Variants in NUDCD3 observed in about 807,000 individuals in gnomAD.
NUDCD3 encodes nudC domain-containing protein 3.
A neutral mutation model predicts 39.7 loss-of-function variants in NUDCD3; 13 were observed. That is an observed-to-expected ratio of 0.33 (90% CI 0.21 to 0.52). The LOEUF is 0.52. Ranked by LOEUF, NUDCD3 falls within the 20% of genes least tolerant of loss-of-function variation. The probability of loss-of-function intolerance (pLI) is 0.96; values close to 1 mark genes in which losing one functional copy is unlikely to be tolerated. For missense variants in NUDCD3, 453 were observed against 458.1 expected (o/e 0.99, Z 0.10); for synonymous variants, 175 against 172.4 (o/e 1.02, Z -0.12).
chr7:44,445,804 G>A (rs1476755788), intron 2 of NUDCD3, among the ~76,000 whole-genome samples: 1 of 152,192 alleles, frequency 6.6e-6, no homozygotes, highest in African/African-American at 2.4e-5. Context: ...AGGCAAAGAG[G>A]TTTTACGTGT....
In NUDCD3 at chr7:44,385,705, G is replaced by A; in HGVS notation, c.*306C>T. ...GCAGGGGAGGAAAGACATGCTGCCT[G>A]CAGTGGCTGGTTGCTGTGGAGACAA... is the stretch of plus-strand genomic sequence containing the variant. On this transcript the variant is annotated 3_prime_UTR_variant, in exon 6 of 6. Coordinates refer to ENST00000355451, the MANE Select transcript of NUDCD3 (RefSeq NM_015332.4). 2.6e-6 allele frequency: 1 copy of A among 384,564 alleles called. No individual in the cohort carries two copies. Among genetic ancestry groups the A allele is most frequent in the Non-Finnish European group, 4.7e-6 (1 of 212,088 alleles). The allele number at this position is 384,564 out of a possible 1,614,324, so 23.8% of individuals were successfully genotyped here. A position where few individuals can be genotyped will look rare whatever the true frequency, so the allele number is the denominator to read the frequency against.
rs763242563 is a variant in NUDCD3 at position 44,382,084 on chromosome 7, T to C, written c.*3927A>G. ...TGGTGTGGAGGAATGGGTGGTGGGA[T>C]TGAAAACCCCTACCAGACCCCTGTC... On this transcript the variant is annotated 3_prime_UTR_variant, in exon 6 of 6. Transcript: ENST00000355451. 6 of 152,108 alleles carry C rather than the reference T, an allele frequency of 3.9e-5. No homozygotes were observed. The highest frequency in any genetic ancestry group is 7.4e-5 in the Non-Finnish European group (5 of 68,022). 9.4% of individuals were successfully genotyped at this position (152,108 alleles called of 1,614,324 possible).
chr7:44,474,725 A>T (rs1563188600), intron 2 of NUDCD3, among the ~76,000 whole-genome samples: 1 of 152,254 alleles, frequency 6.6e-6, no homozygotes, highest in Non-Finnish European at 1.5e-5. Flanking sequence ...ATAAAAAATA[A>T]AAATGCAATG....
rs138320656 is a variant in NUDCD3 at position 44,489,660 on chromosome 7, T to C, written c.192+749A>G. Among the ~76,000 whole-genome samples, 547 of 152,336 alleles carry C rather than the reference T, an allele frequency of 3.6e-3. 2 individuals carry two copies. The highest frequency in any genetic ancestry group is 0.013 in the African/African-American group (522 of 41,554). ...TCATTTCTATTTCCTTTCTTTACAA[T>C]GGGCTCCATCAAATAATTGCCCTTA... On this transcript the variant is annotated intron_variant, in intron 1 of 5. Transcript: ENST00000355451.
At chr7:44,389,712 C>CAAA (rs1295431215) in intron 5 of NUDCD3, among the ~76,000 whole-genome samples, 1 of 152,114 alleles carries the variant, frequency 6.6e-6, no homozygotes, top group Non-Finnish European at 1.5e-5. Flanking sequence ...CGACGTGCCC[C>CAAA]AATAGAGGGG....
intron 1 of NUDCD3, among the ~76,000 whole-genome samples, chr7:44,486,464 A>G (rs1288213762): frequency 6.7e-6 from 1 of 150,226 alleles, no homozygotes; most frequent in African/African-American, 2.5e-5. Context: ...CAAAAGAAGT[A>G]AAAAACTACG....
intron 4 of NUDCD3, among the ~76,000 whole-genome samples, chr7:44,396,054 C>T (rs1426763834): frequency 6.6e-6 from 1 of 151,968 alleles, no homozygotes; most frequent in Non-Finnish European, 1.5e-5. Flanking sequence ...GCTCCAGTTT[C>T]TCCATACCCT....
chr7:44,391,872 G>T lies in NUDCD3; in HGVS notation c.975+425C>A, dbSNP rs544371330. On this transcript the variant is annotated intron_variant, in intron 5 of 5. Coordinates refer to ENST00000355451, the MANE Select transcript of NUDCD3 (RefSeq NM_015332.4). ...TGACATCACAGAGTCTTCACATGCT[G>T]GCCTCCAACATCCAGAAACTGGCTC... is the stretch of plus-strand genomic sequence containing the variant. Among the ~76,000 whole-genome samples the T allele has an allele frequency of 1.2e-4, 19 of 152,202 alleles. No individual in the cohort carries two copies. In the East Asian group the frequency reaches 3.5e-3, roughly 28 times the overall value.
chr7:44,465,905 G>A (rs1226493207), intron 2 of NUDCD3, among the ~76,000 whole-genome samples: 2 of 152,210 alleles, frequency 1.3e-5, no homozygotes, highest in Non-Finnish European at 2.9e-5. Flanking sequence ...TAAAAGGGGT[G>A]CAAGAGAGTC....
At chr7:44,472,574 G>C (rs1239446565) in intron 2 of NUDCD3, among the ~76,000 whole-genome samples, 1 of 152,162 alleles carries the variant, frequency 6.6e-6, no homozygotes, top group Non-Finnish European at 1.5e-5. Context: ...AGAAAAGTCT[G>C]GGGGTAAAAA....
chr7:44,485,070 G>A lies in NUDCD3; in HGVS notation c.407C>T (p.Pro136Leu). Residue 136 changes from proline to leucine, a missense_variant, in exon 2 of 6, where the codon CCA (proline) becomes CTA (leucine). Coordinates refer to ENST00000355451, the MANE Select transcript of NUDCD3 (RefSeq NM_015332.4). ...ATGGGCCATTTCCTTCACAGGGCCTGGAGGCTGCACTTTCTCTACTTCCTG... is the reference window on the plus strand; with the variant it reads ...ATGGGCCATTTCCTTCACAGGGCCTAGAGGCTGCACTTTCTCTACTTCCTG... Reference protein sequence around the residue: ...GHQEVEKVQPPGPVKEMAHGS... With the variant: ...GHQEVEKVQPLGPVKEMAHGS... 1 of 1,614,144 alleles carries A rather than the reference G, an allele frequency of 6.2e-7. No homozygotes were observed. The highest frequency in any genetic ancestry group is 8.5e-7 in the Non-Finnish European group (1 of 1,179,988).
intron 2 of NUDCD3, among the ~76,000 whole-genome samples, chr7:44,475,109 TTTC>T (rs1240759803): frequency 6.7e-6 from 1 of 149,228 alleles, no homozygotes; most frequent in Non-Finnish European, 1.5e-5. Flanking sequence ...CACAAATTCA[TTTC>T]TTTTTTTTTT....
intron 3 of NUDCD3, among the ~76,000 whole-genome samples, chr7:44,416,318 G>C (rs1390471821): frequency 6.6e-6 from 1 of 151,642 alleles, no homozygotes; most frequent in Non-Finnish European, 1.5e-5. Flanking sequence ...CAAATTCCTG[G>C]GCTCAAGCAA....
Position 44,424,684 on chromosome 7 carries a change from T to C in NUDCD3, c.642+2887A>G, listed in dbSNP as rs183776202. 3.5e-3 allele frequency among the ~76,000 whole-genome samples: 530 copies of C among 152,300 alleles called. 3 individuals carry two copies. The highest frequency in any genetic ancestry group is 0.012 in the African/African-American group (511 of 41,554). ...GAGAAATAGGAACACTTTTACACTG[T>C]TGGTGGGAGTGTAAATTAGTTCAAC... On this transcript the variant is annotated intron_variant, in intron 3 of 5. Coordinates refer to ENST00000355451, the MANE Select transcript of NUDCD3 (RefSeq NM_015332.4).
At chr7:44,391,890 A>G (rs980278638) in intron 5 of NUDCD3, among the ~76,000 whole-genome samples, 2 of 152,056 alleles carry the variant, frequency 1.3e-5, no homozygotes, top group Admixed American at 1.3e-4. Flanking sequence ...ACATCCAGAA[A>G]CTGGCTCTGC....
intron 2 of NUDCD3, chr7:44,468,337 ATGT>A: frequency 1.0e-6 from 1 of 979,962 alleles, no homozygotes; most frequent in Non-Finnish European, 1.5e-6. Flanking sequence ...GTTTAAATAA[ATGT>A]AAAAACTGCA....
chr7:44,488,434 T>C (rs1177846657), intron 1 of NUDCD3, among the ~76,000 whole-genome samples: 1 of 152,066 alleles, frequency 6.6e-6, no homozygotes, highest in East Asian at 1.9e-4. Flanking sequence ...CTTAAGCATC[T>C]GCTGGAGACT....
At chr7:44,413,815 G>T (rs1798972776) in intron 3 of NUDCD3, among the ~76,000 whole-genome samples, 1 of 152,352 alleles carries the variant, frequency 6.6e-6, no homozygotes, top group East Asian at 1.9e-4. Context: ...CACTTTGGGA[G>T]ACCAAGGTAA....
intron 2 of NUDCD3, among the ~76,000 whole-genome samples, chr7:44,437,021 T>C (rs1366413293): frequency 2.0e-5 from 3 of 146,730 alleles, no homozygotes; most frequent in Non-Finnish European, 1.5e-5. Flanking sequence ...GCTCTCATAA[T>C]TTTTTTTTTT....
Sources: gnomAD v4.1 joint callset for allele counts (sites outside exome capture counted in the v4.1 genomes callset) on GRCh38, gnomAD v4.1.1 for gene constraint, MANE v1.5 for transcripts, NCBI Gene and HGNC (gene_info 2026-07-23, HGNC 2026-07-21) for gene names.